MED18: variants seen among roughly 807,000 people sequenced by gnomAD.
MED18 encodes the protein mediator complex subunit 18, also known as mediator of RNA polymerase II transcription subunit 18.
In MED18, 10 loss-of-function variants were observed where a neutral mutation model predicts 13.9. The ratio of observed to expected loss-of-function variants is 0.72; its 90% CI spans 0.44 to 1.22. MED18 has a LOEUF of 1.22. Among genes scored for constraint, MED18 ranks in the 50% most tolerant of loss-of-function variants. The probability of loss-of-function intolerance (pLI) is 0.00; values close to 1 mark genes in which losing one functional copy is unlikely to be tolerated. For synonymous variants in MED18, 88 were observed against 93.2 expected (o/e 0.94, Z 0.32); for missense variants, 216 against 279.0 (o/e 0.77, Z 1.61).
chr1:28,331,215 T>C (rs1049712369), intron 2 of MED18, among the ~76,000 whole-genome samples: 4 of 151,148 alleles, frequency 2.6e-5, no homozygotes, highest in African/African-American at 4.9e-5. Flanking sequence ...AAAATTGCCA[T>C]CTTAACATAT....
In MED18 at chr1:28,335,903, A is replaced by G. The variant is rs904201833; in HGVS notation, c.*933A>G. On this transcript the variant is annotated 3_prime_UTR_variant, in exon 3 of 3. Coordinates refer to ENST00000373842, the MANE Select transcript of MED18 (RefSeq NM_017638.3). ...CAATTTCTTGTTTGGCCATTTGTGTATAAGGTTGGTAACATTAGAGGCTGT... is the reference window on the plus strand; with the variant it reads ...CAATTTCTTGTTTGGCCATTTGTGTGTAAGGTTGGTAACATTAGAGGCTGT... 6.6e-6 allele frequency: 1 copy of G among 152,168 alleles called. No individual in the cohort carries two copies. The highest frequency in any genetic ancestry group is 2.4e-5 in the African/African-American group (1 of 41,444). 9.4% of individuals were successfully genotyped at this position (152,168 alleles called of 1,614,324 possible). A position where few individuals can be genotyped will look rare whatever the true frequency, so the allele number is the denominator to read the frequency against.
chr1:28,334,183 C>T (rs778789618), intron 2 of MED18, among the ~76,000 whole-genome samples: 1 of 152,124 alleles, frequency 6.6e-6, no homozygotes, highest in Non-Finnish European at 1.5e-5. Flanking sequence ...GGCCTAAAGA[C>T]TTTGTAGTGC....
chr1:28,335,000 A>G lies in MED18; in HGVS notation c.*30A>G, dbSNP rs764504648. 31 of 1,535,684 alleles carry G rather than the reference A, an allele frequency of 2.0e-5. No homozygotes were observed. Among genetic ancestry groups the G allele is most frequent in the Non-Finnish European group, 2.6e-5 (29 of 1,134,264 alleles). ...GAGGATCTGTCCACATTTGGGGCCT[A>G]TCCTTACTTGTTTGAAAAAATATGT... On this transcript the variant is annotated 3_prime_UTR_variant, in exon 3 of 3. Transcript: ENST00000373842.
Position 28,335,211 on chromosome 1 carries a change from T to A in MED18, c.*241T>A. 2.3e-6 allele frequency: 1 copy of A among 436,114 alleles called. No homozygotes were observed. The highest frequency in any genetic ancestry group is 3.7e-5 in the Admixed American group (1 of 26,736). 27.0% of individuals were successfully genotyped at this position (436,114 alleles called of 1,614,324 possible). On this transcript the variant is annotated 3_prime_UTR_variant, in exon 3 of 3. Coordinates refer to ENST00000373842, the MANE Select transcript of MED18 (RefSeq NM_017638.3). ...CACATGCCACCATGCTCAGCTAATT[T>A]TTGTATTTTTAGTAGAAATGGGGAT...
Position 28,335,065 on chromosome 1 carries a change from A to G in MED18, c.*95A>G. 1.6e-6 allele frequency: 2 copies of G among 1,214,504 alleles called. No individual in the cohort carries two copies. Among genetic ancestry groups the G allele is most frequent in the African/African-American group, 1.5e-5 (1 of 65,368 alleles). 75.2% of individuals were successfully genotyped at this position (1,214,504 alleles called of 1,614,324 possible). ...TTTTGTTTTGTTTTGTTTTTGAGAC[A>G]GAGTCTCGCTTTGTTTCCCAGGCTG... On this transcript the variant is annotated 3_prime_UTR_variant, in exon 3 of 3. Transcript: ENST00000373842.
chr1:28,332,824 G>A (rs890038530), intron 2 of MED18, among the ~76,000 whole-genome samples: 1 of 152,218 alleles, frequency 6.6e-6, no homozygotes, highest in Non-Finnish European at 1.5e-5. Context: ...TTCATATGGA[G>A]AAGAGAGGAA....
chr1:28,332,749 C>A (rs920011757), intron 2 of MED18, among the ~76,000 whole-genome samples: 4 of 152,132 alleles, frequency 2.6e-5, no homozygotes, highest in Admixed American at 2.6e-4. Flanking sequence ...ACACAGGAAG[C>A]CACTGTAGTG....
chr1:28,334,611 C>CA lies in MED18; in HGVS notation c.269dup (p.Pro91AlafsTer22). 6.2e-7 allele frequency: 1 copy of CA among 1,614,170 alleles called. No homozygotes were observed. Among genetic ancestry groups the CA allele is most frequent in the Non-Finnish European group, 8.5e-7 (1 of 1,180,010 alleles). On this transcript the variant is annotated frameshift_variant, in exon 3 of 3. Transcript: ENST00000373842. LOFTEE classifies it high-confidence loss of function. ...ACCCTGGCATCTGCGCTACCTGGGA[C>CA]AGCCAGAAATGGGAGACAAGAACCG...
chr1:28,335,715 G>C lies in MED18; in HGVS notation c.*745G>C, dbSNP rs1030021292. Reference sequence around the variant, plus strand: ...CAGGCGCTTGTAATCCCAGCTACTTGGGAGGCTGAGGCTGGAGAATCGCTT... The same window carrying C: ...CAGGCGCTTGTAATCCCAGCTACTTCGGAGGCTGAGGCTGGAGAATCGCTT... On this transcript the variant is annotated 3_prime_UTR_variant, in exon 3 of 3. Coordinates refer to ENST00000373842, the MANE Select transcript of MED18 (RefSeq NM_017638.3). The C allele has an allele frequency of 6.6e-6, 1 of 152,032 alleles. No individual in the cohort carries two copies. Among genetic ancestry groups the C allele is most frequent in the Non-Finnish European group, 1.5e-5 (1 of 68,044 alleles). The allele number at this position is 152,032 out of a possible 1,614,324, so 9.4% of individuals were successfully genotyped here.
chr1:28,330,168 G>T (rs9887875), intron 1 of MED18: 9 of 152,540 alleles, frequency 5.9e-5, no homozygotes, highest in African/African-American at 2.2e-4. Flanking sequence ...CCAGCTACTC[G>T]GGAGGCTGAG....
At chr1:28,334,256 C>T (rs1250625555) in intron 2 of MED18, 161 bp from the exon 3 acceptor site, 5 of 805,550 alleles carry the variant, frequency 6.2e-6, no homozygotes, top group Non-Finnish European at 7.8e-6. Context: ...TTATACAATA[C>T]CTTGGTAGTG....
At chr1:28,332,204 G>A (rs569094912) in intron 2 of MED18, among the ~76,000 whole-genome samples, 36 of 152,072 alleles carry the variant, frequency 2.4e-4, no homozygotes, top group Admixed American at 2.3e-3. Context: ...CTTGAGTTCG[G>A]GAATTCAGGA....
rs1000090415 is a variant in MED18, at chr1:28,335,913, T to A, written c.*943T>A. The A allele has an allele frequency of 3.3e-5, 5 of 152,158 alleles. No homozygotes were observed. Among genetic ancestry groups the A allele is most frequent in the African/African-American group, 1.2e-4 (5 of 41,442 alleles). The allele number at this position is 152,158 out of a possible 1,614,324, so 9.4% of individuals were successfully genotyped here. ...TTTGGCCATTTGTGTATAAGGTTGGTAACATTAGAGGCTGTGAGCTTGTGT... is the reference window on the plus strand; with the variant it reads ...TTTGGCCATTTGTGTATAAGGTTGGAAACATTAGAGGCTGTGAGCTTGTGT... On this transcript the variant is annotated 3_prime_UTR_variant, in exon 3 of 3. Coordinates refer to ENST00000373842, the MANE Select transcript of MED18 (RefSeq NM_017638.3).
At chr1:28,329,906 T>G (rs1160925470) in intron 1 of MED18, among the ~76,000 whole-genome samples, 1 of 152,216 alleles carries the variant, frequency 6.6e-6, no homozygotes, top group Non-Finnish European at 1.5e-5. Context: ...TAAGTCACTT[T>G]TTCAGTTCTT....
At chr1:28,331,934 G>C (rs948730746) in intron 2 of MED18, among the ~76,000 whole-genome samples, 2 of 151,962 alleles carry the variant, frequency 1.3e-5, no homozygotes, top group African/African-American at 4.8e-5. Context: ...ATAGAGACAG[G>C]GTTTTTCCAT....
chr1:28,330,726 C>T lies in MED18; in HGVS notation c.64C>T (p.Leu22=). Reference sequence around the variant, plus strand: ...GGGCACCATTAACATGATGGAGTACCTGTTGCAGGGTAAGTGAACTAGGGA... The same window carrying T: ...GGGCACCATTAACATGATGGAGTACTTGTTGCAGGGTAAGTGAACTAGGGA... The part of the protein sequence containing the change: ...TGGTINMMEY[L]LQGSVLDHSL... The change falls in exon 2 of 3, where the codon CTG becomes TTG. Residue 22 remains leucine, a synonymous_variant. Transcript: ENST00000373842. 1 of 1,598,714 alleles carries T rather than the reference C, an allele frequency of 6.3e-7. No homozygotes were observed. Among genetic ancestry groups the T allele is most frequent in the Non-Finnish European group, 8.5e-7 (1 of 1,173,856 alleles).
At chr1:28,334,278 A>C in intron 2 of MED18, 139 bp from the exon 3 acceptor site, 1 of 928,838 alleles carries the variant, frequency 1.1e-6, no homozygotes, top group Non-Finnish European at 1.6e-6. Flanking sequence ...AATTTCTGTA[A>C]AATCTCATGT....
chr1:28,330,625 G>T lies in MED18; in HGVS notation c.-38G>T, dbSNP rs1400626491. 2 of 1,559,232 alleles carry T rather than the reference G, an allele frequency of 1.3e-6. No individual in the cohort carries two copies. The highest frequency in any genetic ancestry group is 4.6e-5 in the East Asian group (2 of 43,424). On this transcript the variant is annotated 5_prime_UTR_variant, in exon 2 of 3. Transcript: ENST00000373842. Reference sequence around the variant, plus strand: ...TATCCCGTGCCTTACCTGACTGGGGGCTCTGAGTCCAGTTGTGTTGTCTTC... The same window carrying T: ...TATCCCGTGCCTTACCTGACTGGGGTCTCTGAGTCCAGTTGTGTTGTCTTC...
At chr1:28,330,788 TC>T in intron 2 of MED18, 53 bp downstream of exon 2, 1 of 1,409,990 alleles carries the variant, frequency 7.1e-7, no homozygotes, top group Non-Finnish European at 9.6e-7. Context: ...CTGTTCAGCT[TC>T]CCTTAAGATG....
Sources: allele counts gnomAD v4.1 joint callset (sites outside exome capture counted in the v4.1 genomes callset), GRCh38; gene constraint gnomAD v4.1.1; transcripts MANE v1.5; gene names NCBI Gene and HGNC (gene_info 2026-07-23, HGNC 2026-07-21).